Variants in FBXL17 observed in about 807,000 individuals in gnomAD.
The protein encoded by FBXL17 is F-box/LRR-repeat protein 17.
FBXL17 carries 22 observed loss-of-function variants against 66.2 expected under a neutral mutation model. That is an observed-to-expected ratio of 0.33 (90% CI 0.24 to 0.47). The LOEUF (loss-of-function observed/expected upper bound fraction) is 0.47. FBXL17 is among the 20% of genes least tolerant of loss of function. The probability of loss-of-function intolerance (pLI) is 1.00; values close to 1 mark genes in which losing one functional copy is unlikely to be tolerated. For missense variants in FBXL17, 878 were observed against 948.2 expected, an observed-to-expected ratio of 0.93 and a Z score of 0.97; for synonymous variants, 474 against 400.5, an observed-to-expected ratio of 1.18 and a Z score of -2.19.
chr5:108,060,356 G>A (rs1747872858), intron 6 of FBXL17, among the ~76,000 whole-genome samples: 2 of 152,122 alleles, frequency 1.3e-5, no homozygotes, highest in Admixed American at 1.3e-4. Flanking sequence ...CAGTGAGATT[G>A]TGTCACCATC....
chr5:108,278,444 T>C (rs938464980), intron 4 of FBXL17, among the ~76,000 whole-genome samples: 3 of 152,198 alleles, frequency 2.0e-5, no homozygotes, highest in African/African-American at 7.2e-5. Flanking sequence ...GGTGGACTCC[T>C]GCAAACAGGA....
At chr5:108,002,355 A>G (rs2112718512) in intron 7 of FBXL17, among the ~76,000 whole-genome samples, 1 of 151,000 alleles carries the variant, frequency 6.6e-6, no homozygotes, top group African/African-American at 2.4e-5. Context: ...AACAAAAAAA[A>G]CTCCTTCTCT....
intron 6 of FBXL17, among the ~76,000 whole-genome samples, chr5:108,072,431 A>C (rs1318832074): frequency 3.3e-5 from 5 of 152,182 alleles, no homozygotes; most frequent in African/African-American, 1.2e-4. Context: ...TACAGAAAGA[A>C]GCAGGCTCAC....
intron 3 of FBXL17, among the ~76,000 whole-genome samples, chr5:108,363,039 T>C (rs1177711066): frequency 6.6e-6 from 1 of 152,010 alleles, no homozygotes; most frequent in Non-Finnish European, 1.5e-5. Context: ...AGTTCCCTCT[T>C]AGGCTTTCGT....
chr5:108,378,325 TG>T (rs1749590741), intron 1 of FBXL17, among the ~76,000 whole-genome samples: 2 of 103,712 alleles, frequency 1.9e-5, no homozygotes, highest in Non-Finnish European at 3.9e-5. Context: ...GCCTCGTTTT[TG>T]TTTTTTGTTT....
At chr5:107,908,425 T>C (rs866201929) in intron 7 of FBXL17, among the ~76,000 whole-genome samples, 2 of 152,152 alleles carry the variant, frequency 1.3e-5, no homozygotes, top group African/African-American at 4.8e-5. Context: ...AAAGAATAGG[T>C]TGAGTGGGAG....
At chr5:107,883,233 A>G (rs190130548) in intron 7 of FBXL17, among the ~76,000 whole-genome samples, 7 of 152,316 alleles carry the variant, frequency 4.6e-5, no homozygotes, top group African/African-American at 1.7e-4. Context: ...TTCCACTTTA[A>G]TAATCAGGAA....
rs112158129 is a variant in FBXL17 at position 108,041,879 on chromosome 5, C to T, written c.1746-20878G>A. ...GTTTTACTATACTTCTTCTATCATA[C>T]TCATATTCATCTATCCATTCTATAA... On this transcript the variant is annotated intron_variant, in intron 6 of 8. Coordinates refer to ENST00000542267, the MANE Select transcript of FBXL17 (RefSeq NM_001163315.3). Among the ~76,000 whole-genome samples, 9 of 152,220 alleles carry T rather than the reference C, an allele frequency of 5.9e-5. 2 individuals are homozygous for T. Among genetic ancestry groups the T allele is most frequent in the African/African-American group, 2.2e-4 (9 of 41,554 alleles).
intron 7 of FBXL17, among the ~76,000 whole-genome samples, chr5:107,938,353 G>A (rs557893473): frequency 6.6e-6 from 1 of 152,166 alleles, no homozygotes; most frequent in African/African-American, 2.4e-5. Flanking sequence ...AAAAAACGGG[G>A]TAGCTCATAC....
At position 108,192,244 on chromosome 5, in the gene FBXL17, T is replaced by C. The variant is rs1429576442; in HGVS notation, c.1615-5997A>G. The stretch of plus-strand genomic sequence containing the variant: ...ACTGACATTTTAATTAAACTTACTT[T>C]CCTTATAATTCACTGGTAGTTGTGA... On this transcript the variant is annotated intron_variant, in intron 5 of 8. Coordinates refer to ENST00000542267, the MANE Select transcript of FBXL17 (RefSeq NM_001163315.3). Among the ~76,000 whole-genome samples the C allele has an allele frequency of 3.9e-5, 6 of 152,212 alleles. No individual in the cohort carries two copies. In the East Asian group the frequency reaches 1.2e-3, roughly 29 times the overall value.
rs1754498041 is a variant in FBXL17, at chr5:108,214,227, A to T, written c.1614+9894T>A. On this transcript the variant is annotated intron_variant, in intron 5 of 8. Coordinates refer to ENST00000542267, the MANE Select transcript of FBXL17 (RefSeq NM_001163315.3). ...AATCATAGCATACAAAAGGCTTGGT[A>T]CTATCCATGGTTTAAGGCATCCACT... Among the ~76,000 whole-genome samples the T allele has an allele frequency of 4.6e-5, 7 of 152,218 alleles. No individual in the cohort carries two copies. The South Asian group carries it at 1.4e-3, about 32-fold the overall frequency.
chr5:108,264,869 T>A (rs964784118), intron 4 of FBXL17, among the ~76,000 whole-genome samples: 1 of 151,766 alleles, frequency 6.6e-6, no homozygotes, highest in African/African-American at 2.4e-5. Flanking sequence ...TATTTCCTAA[T>A]GCTATCTAGT....
At chr5:107,966,092 T>G (rs1752127664) in intron 7 of FBXL17, among the ~76,000 whole-genome samples, 2 of 152,118 alleles carry the variant, frequency 1.3e-5, no homozygotes, top group Non-Finnish European at 2.9e-5. Context: ...GGCATAAAAA[T>G]TAAACAATAA....
intron 7 of FBXL17, among the ~76,000 whole-genome samples, chr5:107,992,888 T>C (rs1288515265): frequency 1.3e-5 from 2 of 152,078 alleles, no homozygotes; most frequent in Non-Finnish European, 2.9e-5. Context: ...AATTACACTT[T>C]TGTTTTTCCT....
intron 6 of FBXL17, among the ~76,000 whole-genome samples, chr5:108,078,361 T>A (rs1051988733): frequency 1.3e-5 from 2 of 152,226 alleles, no homozygotes; most frequent in African/African-American, 4.8e-5. Flanking sequence ...AGCTTGGTTG[T>A]CATATGTGAA....
intron 7 of FBXL17, among the ~76,000 whole-genome samples, chr5:108,004,077 A>G (rs1275718038): frequency 1.3e-5 from 2 of 152,184 alleles, no homozygotes; most frequent in Non-Finnish European, 2.9e-5. Flanking sequence ...GCAAGCAAAG[A>G]AAAAAGACAA....
chr5:108,042,195 TCA>T (rs1282149245), intron 6 of FBXL17, among the ~76,000 whole-genome samples: 1 of 152,182 alleles, frequency 6.6e-6, no homozygotes, highest in Non-Finnish European at 1.5e-5. Context: ...CTCCTGGCCT[TCA>T]GTTTTTTATC....
At chr5:108,206,155 T>G (rs1431087084) in intron 5 of FBXL17, among the ~76,000 whole-genome samples, 1 of 152,162 alleles carries the variant, frequency 6.6e-6, no homozygotes, top group Non-Finnish European at 1.5e-5. Flanking sequence ...AACTGCAAAA[T>G]TATAATTTTC....
intron 5 of FBXL17, among the ~76,000 whole-genome samples, chr5:108,196,014 T>A (rs1273288179): frequency 1.3e-5 from 2 of 152,150 alleles, no homozygotes; most frequent in African/African-American, 4.8e-5. Flanking sequence ...CAGCAGCACA[T>A]AAATGACATT....
Sources: allele counts gnomAD v4.1 joint callset (sites outside exome capture counted in the v4.1 genomes callset), GRCh38; gene constraint gnomAD v4.1.1; transcripts MANE v1.5; gene names NCBI Gene and HGNC (gene_info 2026-07-23, HGNC 2026-07-21).